The following EVL variants were observed in gnomAD, a reference collection of about 807,000 sequenced individuals.
The protein encoded by EVL is ena/VASP-like protein.
In EVL, 21 loss-of-function variants were observed where a neutral mutation model predicts 59.6. The observed-to-expected ratio is 0.35, with a 90% CI of 0.25 to 0.51. The LOEUF (loss-of-function observed/expected upper bound fraction) is 0.51, where lower values mean the gene tolerates loss of function less well. Among genes scored for constraint, EVL ranks in the 20% least tolerant of loss-of-function variants. The probability of loss-of-function intolerance (pLI) is 0.97; values close to 1 mark genes in which losing one functional copy is unlikely to be tolerated. For missense variants in EVL, 462 were observed against 546.6 expected, an observed-to-expected ratio of 0.85 and a Z score of 1.54; for synonymous variants, 198 against 203.5, an observed-to-expected ratio of 0.97 and a Z score of 0.23.
chr14:99,974,542 A>T (rs1057209078), intron 1 of EVL: 5 of 153,224 alleles, frequency 3.3e-5, no homozygotes, highest in East Asian at 3.9e-4. Flanking sequence ...GCAGTCCTTA[A>T]TGCCAGCCAT....
rs774766360 is a variant in EVL at position 100,129,610 on chromosome 14, C to T, written c.765C>T (p.Ser255=). ...GGSSPSGTSK[S]DANRASSGGG... ...CCAGTCCCAGTGGGACCTCAAAGTC[C>T]GATGCCAACCGGGCAAGCAGCGGGG... The change falls in exon 7 of 14, where the codon TCC becomes TCT. Residue 255 remains serine, a synonymous_variant. Transcript: ENST00000392920. The T allele has an allele frequency of 9.9e-6, 16 of 1,613,442 alleles. No homozygotes were observed. In the Admixed American group the frequency reaches 1.0e-4, roughly 10 times the overall value.
At chr14:100,058,745 T>C (rs930223784) in intron 1 of EVL, among the ~76,000 whole-genome samples, 2 of 152,088 alleles carry the variant, frequency 1.3e-5, no homozygotes, top group East Asian at 3.9e-4. Flanking sequence ...AAAGCAAGGG[T>C]TGGAATCCCT....
intron 8 of EVL, among the ~76,000 whole-genome samples, chr14:100,133,402 C>T (rs903301060): frequency 2.6e-5 from 4 of 152,234 alleles, no homozygotes; most frequent in African/African-American, 7.2e-5. Flanking sequence ...GCCTTAACTA[C>T]AAATGCCTTG....
intron 1 of EVL, among the ~76,000 whole-genome samples, chr14:100,023,371 ATTTTTTTTTT>A (rs1010647617): frequency 1.1e-5 from 1 of 90,772 alleles, no homozygotes; most frequent in Non-Finnish European, 2.1e-5. Flanking sequence ...AGCCCGGCTA[ATTTTTTTTTT>A]TTTTTTTTTT....
intron 1 of EVL, among the ~76,000 whole-genome samples, chr14:100,033,388 A>G (rs117475682): frequency 0.052 from 7,984 of 152,304 alleles, 300 homozygotes; most frequent in Non-Finnish European, 0.077. Context: ...AGGTGGTTAC[A>G]TTATTATTAC....
At chr14:100,111,748 G>C (rs1455110662) in intron 3 of EVL, among the ~76,000 whole-genome samples, 2 of 152,202 alleles carry the variant, frequency 1.3e-5, no homozygotes, top group African/African-American at 2.4e-5. Context: ...ATTGCAGGGA[G>C]ATAGCAGGAA....
intron 1 of EVL, chr14:100,066,618 T>C (rs911935537): frequency 5.3e-5 from 8 of 152,206 alleles, no homozygotes; most frequent in Non-Finnish European, 1.2e-4. Context: ...GAGTGGAGCT[T>C]TAGAAAACAG....
intron 3 of EVL, among the ~76,000 whole-genome samples, chr14:100,102,868 C>T (rs145596058): frequency 0.015 from 2,294 of 152,200 alleles, 28 homozygotes; most frequent in Non-Finnish European, 0.024. Context: ...GAGGCTGAGG[C>T]GGGCGGATCA....
chr14:100,129,451 G>T, intron 6 of EVL, 112 bp from the exon 7 acceptor site: 1 of 1,498,032 alleles, frequency 6.7e-7, no homozygotes, highest in Non-Finnish European at 9.1e-7. Context: ...CCCTTGCAGT[G>T]CTGCTGCCAT....
At chr14:100,053,278 T>TC (rs1316347745) in intron 1 of EVL, among the ~76,000 whole-genome samples, 1 of 152,326 alleles carries the variant, frequency 6.6e-6, no homozygotes, top group African/African-American at 2.4e-5. Flanking sequence ...TTATGCTTTT[T>TC]CTCCTCGTTT....
At chr14:99,988,822 A>G (rs1330752830) in intron 1 of EVL, among the ~76,000 whole-genome samples, 1 of 152,174 alleles carries the variant, frequency 6.6e-6, no homozygotes, top group Non-Finnish European at 1.5e-5. Flanking sequence ...AAGACCACAT[A>G]TTGTATGATT....
chr14:100,141,106 C>T (rs995682268), intron 11 of EVL, 74 bp from the exon 12 acceptor site: 137 of 1,480,496 alleles, frequency 9.3e-5, no homozygotes, highest in Non-Finnish European at 1.2e-4. Context: ...CCAGCCTGAG[C>T]GGGGCCTCTG....
chr14:100,051,044 G>C (rs528946332), intron 1 of EVL, among the ~76,000 whole-genome samples: 8 of 152,254 alleles, frequency 5.3e-5, no homozygotes, highest in Non-Finnish European at 8.8e-5. Context: ...ACTGCACCCA[G>C]CCTTATTATT....
Position 100,143,715 on chromosome 14 carries a change from C to CTGAG in EVL, c.1237_1240dup (p.Gly414GlufsTer54). 1 of 1,612,406 alleles carries CTGAG rather than the reference C, an allele frequency of 6.2e-7. No individual in the cohort carries two copies. Among genetic ancestry groups the CTGAG allele is most frequent in the Non-Finnish European group, 8.5e-7 (1 of 1,179,926 alleles). ...CTGTCCCGCAGCCATCAGGCAGGAG[C>CTGAG]TGAGTGGGATCAGCACCACGTAAGG... On this transcript the variant is annotated frameshift_variant, in exon 14 of 14. Coordinates refer to ENST00000392920, the MANE Select transcript of EVL (RefSeq NM_016337.3). LOFTEE classifies it high-confidence loss of function.
intron 1 of EVL, among the ~76,000 whole-genome samples, chr14:100,047,588 G>A (rs550330416): frequency 3.9e-4 from 60 of 152,250 alleles, no homozygotes; most frequent in Admixed American, 1.3e-3. Context: ...CTTAGTTGCC[G>A]TCAAGGAATG....
At chr14:99,998,154 G>A (rs922350466) in intron 1 of EVL, among the ~76,000 whole-genome samples, 1 of 151,934 alleles carries the variant, frequency 6.6e-6, no homozygotes, top group African/African-American at 2.4e-5. Context: ...CAAGCAGCTG[G>A]GAACACAGAT....
intron 1 of EVL, among the ~76,000 whole-genome samples, chr14:100,016,493 C>T (rs1186301976): frequency 3.3e-5 from 5 of 152,204 alleles, no homozygotes; most frequent in African/African-American, 1.2e-4. Flanking sequence ...TGCGCCACTG[C>T]ACTGCAGCTT....
At chr14:100,134,923 C>CA (rs1488673826) in intron 8 of EVL, 1 of 152,232 alleles carries the variant, frequency 6.6e-6, no homozygotes, top group African/African-American at 2.4e-5. Context: ...ACCTCTTTCC[C>CA]AGCCTAGAGT....
At chr14:100,065,533 G>A in intron 1 of EVL, 22 bp downstream of exon 1, 1 of 1,412,336 alleles carries the variant, frequency 7.1e-7, no homozygotes, top group Non-Finnish European at 9.6e-7. Context: ...AACCAGTGCA[G>A]GGGACAGAGG....
Sources: gnomAD v4.1 joint callset for allele counts (sites outside exome capture counted in the v4.1 genomes callset) on GRCh38, gnomAD v4.1.1 for gene constraint, MANE v1.5 for transcripts, NCBI Gene and HGNC (gene_info 2026-07-23, HGNC 2026-07-21) for gene names.